Variants in FAM228A observed in about 807,000 individuals in gnomAD.
FAM228A encodes the protein protein FAM228A.
A neutral mutation model predicts 18.6 loss-of-function variants in FAM228A; 13 were observed. The ratio of observed to expected loss-of-function variants is 0.70; its 90% CI spans 0.45 to 1.11. The LOEUF is 1.11. FAM228A is among the 50% of genes least tolerant of loss of function. The pLI is 0.00. For missense variants in FAM228A, 240 were observed against 242.2 expected (o/e 0.99, Z 0.06); for synonymous variants, 77 against 86.6 (o/e 0.89, Z 0.61).
Position 24,190,906 on chromosome 2 carries a change from G to T in FAM228A, c.*275G>T. The T allele has an allele frequency of 8.7e-7, 1 of 1,153,690 alleles. No homozygotes were observed. The highest frequency in any genetic ancestry group is 1.1e-6 in the Non-Finnish European group (1 of 937,012). 71.5% of individuals were successfully genotyped at this position (1,153,690 alleles called of 1,614,324 possible). A position where few individuals can be genotyped will look rare whatever the true frequency, so the allele number is the denominator to read the frequency against. ...GGCTTTTCCCCCTGAGATTTCTTCAGCGCCTTCGCCCGGGCCTTTGCCCTT... is the reference window on the plus strand; with the variant it reads ...GGCTTTTCCCCCTGAGATTTCTTCATCGCCTTCGCCCGGGCCTTTGCCCTT... On this transcript the variant is annotated 3_prime_UTR_variant, in exon 6 of 6. Transcript: ENST00000295150.
chr2:24,180,521 T>C (rs1217071304), intron 3 of FAM228A, among the ~76,000 whole-genome samples: 1 of 152,140 alleles, frequency 6.6e-6, no homozygotes, highest in Admixed American at 6.6e-5. Flanking sequence ...CCTTAAATAC[T>C]TTTTCCTACA....
chr2:24,175,179 G>A lies in FAM228A; in HGVS notation c.-15+5G>A, dbSNP rs1165040577. On this transcript the variant is annotated splice_donor_5th_base_variant and intron_variant, in intron 1 of 5. Transcript: ENST00000295150. Reference sequence around the variant, plus strand: ...TTCCCCCGGAGCTGGCCTGAGGTGGGGCCCGGGGAGGCCTACGGGCCTGGG... The same window carrying A: ...TTCCCCCGGAGCTGGCCTGAGGTGGAGCCCGGGGAGGCCTACGGGCCTGGG... 3.0e-6 allele frequency: 1 copy of A among 335,812 alleles called. No homozygotes were observed. Among genetic ancestry groups the A allele is most frequent in the African/African-American group, 2.2e-5 (1 of 44,934 alleles). 20.8% of individuals were successfully genotyped at this position (335,812 alleles called of 1,614,324 possible).
chr2:24,177,934 C>A, intron 3 of FAM228A, 64 bp downstream of exon 3: 4 of 1,011,634 alleles, frequency 4.0e-6, no homozygotes, highest in Non-Finnish European at 4.5e-6. Context: ...TGCAGAACAA[C>A]ATGGCCAAGA....
Position 24,177,832 on chromosome 2 carries a change from G to T in FAM228A, c.124G>T (p.Val42Leu), listed in dbSNP as rs866724522. ...AGCTAGAGAAGACATTGATGAAGCA[G>T]TATGTGCAATATTATTTAAAGAAAA... ...VLAREDIDEAVCAILFKENSI... is the reference protein window; with the variant it reads ...VLAREDIDEALCAILFKENSI... The change falls in exon 3 of 6, where the codon GTA becomes TTA. Residue 42 changes from valine to leucine, a missense_variant. Coordinates refer to ENST00000295150, the MANE Select transcript of FAM228A (RefSeq NM_001040710.3). 1 of 1,601,276 alleles carries T rather than the reference G, an allele frequency of 6.2e-7. No individual in the cohort carries two copies. The highest frequency in any genetic ancestry group is 1.3e-5 in the African/African-American group (1 of 74,740).
At chr2:24,177,465 C>T (rs1280292707) in intron 2 of FAM228A, among the ~76,000 whole-genome samples, 1 of 152,096 alleles carries the variant, frequency 6.6e-6, no homozygotes, top group African/African-American at 2.4e-5. Flanking sequence ...AAAACACCTA[C>T]TGAATGCCTG....
chr2:24,183,081 G>T (rs1490986412), intron 3 of FAM228A, among the ~76,000 whole-genome samples: 1 of 151,964 alleles, frequency 6.6e-6, no homozygotes, highest in Admixed American at 6.5e-5. Flanking sequence ...CGAGGTTGGG[G>T]TGCTGAGGTT....
At chr2:24,189,057 C>T (rs1668021270) in intron 5 of FAM228A, among the ~76,000 whole-genome samples, 1 of 152,158 alleles carries the variant, frequency 6.6e-6, no homozygotes, top group African/African-American at 2.4e-5. Context: ...CCCCCCCACC[C>T]CCACAACAAG....
Position 24,177,254 on chromosome 2 carries a change from A to C in FAM228A, c.94-548A>C, listed in dbSNP as rs537283157. Among the ~76,000 whole-genome samples the C allele has an allele frequency of 4.6e-5, 7 of 152,344 alleles. No individual in the cohort carries two copies. The South Asian group carries it at 1.2e-3, about 27-fold the overall frequency. On this transcript the variant is annotated intron_variant, in intron 2 of 5. Coordinates refer to ENST00000295150, the MANE Select transcript of FAM228A (RefSeq NM_001040710.3). Reference sequence around the variant, plus strand: ...CAGGAGTTCGAGAGCAGCCTGGCCAACATGGTGAAACTCTGTCTCTACTAA... The same window carrying C: ...CAGGAGTTCGAGAGCAGCCTGGCCACCATGGTGAAACTCTGTCTCTACTAA...
intron 2 of FAM228A, 186 bp downstream of exon 2, chr2:24,175,759 A>AAGTGTG (rs1210416862): frequency 4.8e-5 from 37 of 766,484 alleles, no homozygotes; most frequent in Non-Finnish European, 6.9e-5. Context: ...TCCAGTCGCC[A>AAGTGTG]GCCTGGGGGC....
At chr2:24,183,234 G>T (rs768246676) in intron 3 of FAM228A, 51 bp from the exon 4 acceptor site, 1 of 1,293,942 alleles carries the variant, frequency 7.7e-7, no homozygotes, top group Non-Finnish European at 1.1e-6. Flanking sequence ...CATTTTAAAA[G>T]CTTAATACAG....
intron 1 of FAM228A, 55 bp from the exon 2 acceptor site, chr2:24,175,412 T>A (rs2042467): frequency 1.6e-6 from 2 of 1,285,938 alleles, no homozygotes; most frequent in South Asian, 1.2e-5. Context: ...CCCAAAGGCC[T>A]GGCTCTCAAC....
At chr2:24,177,146 G>A (rs1473585571) in intron 2 of FAM228A, among the ~76,000 whole-genome samples, 1 of 152,202 alleles carries the variant, frequency 6.6e-6, no homozygotes, top group Non-Finnish European at 1.5e-5. Flanking sequence ...GGCCCTTTAA[G>A]ACACACCTAC....
intron 3 of FAM228A, among the ~76,000 whole-genome samples, chr2:24,181,365 A>G (rs1667811617): frequency 6.6e-6 from 1 of 152,216 alleles, no homozygotes; most frequent in South Asian, 2.1e-4. Flanking sequence ...ATCCTGAAGT[A>G]TACAATCCCT....
chr2:24,176,275 T>A, intron 2 of FAM228A: 1 of 855,546 alleles, frequency 1.2e-6, no homozygotes, highest in Non-Finnish European at 1.4e-6. Context: ...AATAAATAGA[T>A]TCTAAATTTT....
intron 4 of FAM228A, 48 bp from the exon 5 acceptor site, chr2:24,183,447 A>G (rs567117812): frequency 1.2e-6 from 2 of 1,608,062 alleles, no homozygotes; most frequent in Admixed American, 1.7e-5. Flanking sequence ...TTCAAGAGCA[A>G]CTGGAGTTCT....
chr2:24,177,432 T>G (rs1398407486), intron 2 of FAM228A, among the ~76,000 whole-genome samples: 1 of 152,156 alleles, frequency 6.6e-6, no homozygotes, highest in Non-Finnish European at 1.5e-5. Flanking sequence ...AGCCAGACTT[T>G]GTCTCAAAAA....
chr2:24,188,973 T>G (rs1366958895), intron 5 of FAM228A, among the ~76,000 whole-genome samples: 2 of 152,248 alleles, frequency 1.3e-5, no homozygotes, highest in Admixed American at 1.3e-4. Flanking sequence ...GGAAGTTTTA[T>G]GTATTATTTC....
intron 5 of FAM228A, among the ~76,000 whole-genome samples, chr2:24,187,069 T>A (rs1019633453): frequency 1.3e-5 from 2 of 151,716 alleles, no homozygotes; most frequent in Non-Finnish European, 2.9e-5. Flanking sequence ...CATTTTGCCT[T>A]TCTCTCTCTC....
At chr2:24,185,634 T>A (rs1558404728) in intron 5 of FAM228A, among the ~76,000 whole-genome samples, 1 of 152,138 alleles carries the variant, frequency 6.6e-6, no homozygotes, top group Non-Finnish European at 1.5e-5. Context: ...GGTCTTATTT[T>A]ATGTAAAGGA....
Sources: allele counts gnomAD v4.1 joint callset (sites outside exome capture counted in the v4.1 genomes callset), GRCh38; gene constraint gnomAD v4.1.1; transcripts MANE v1.5; gene names NCBI Gene and HGNC (gene_info 2026-07-23, HGNC 2026-07-21).